KIAA0319: variants seen among roughly 807,000 people sequenced by gnomAD.
The protein encoded by KIAA0319 is dyslexia-associated protein KIAA0319.
KIAA0319 carries 83 observed loss-of-function variants against 108.4 expected under a neutral mutation model. The ratio of observed to expected loss-of-function variants is 0.77; its 90% confidence interval spans 0.64 to 0.92. The LOEUF is 0.92. Among genes scored for constraint, KIAA0319 ranks in the 40% least tolerant of loss-of-function variants. The pLI is 0.00. For synonymous variants in KIAA0319, 484 were observed against 510.4 expected, an observed-to-expected ratio of 0.95 and a Z score of 0.70; for missense variants, 1,195 against 1,322.4, an observed-to-expected ratio of 0.90 and a Z score of 1.49.
chr6:24,558,692 G>A (rs1054515682), intron 17 of KIAA0319, among the ~76,000 whole-genome samples: 2 of 152,158 alleles, frequency 1.3e-5, no homozygotes, highest in African/African-American at 4.8e-5. Flanking sequence ...GATGTCCAAG[G>A]TAAATAAATT....
chr6:24,571,082 T>C (rs1234372550), intron 11 of KIAA0319, among the ~76,000 whole-genome samples: 1 of 151,418 alleles, frequency 6.6e-6, no homozygotes, highest in Non-Finnish European at 1.5e-5. Flanking sequence ...ATCCCAGCTA[T>C]TCAGGAGGCT....
At chr6:24,570,404 C>T (rs796375526) in intron 11 of KIAA0319, among the ~76,000 whole-genome samples, 18 of 152,028 alleles carry the variant, frequency 1.2e-4, no homozygotes, top group South Asian at 6.2e-4. Context: ...CTGGCTAACA[C>T]GGTGAAACCC....
At chr6:24,541,143 C>T (rs918282952), downstream of KIAA0319, among the ~76,000 whole-genome samples, 4 of 149,856 alleles carry the variant, frequency 2.7e-5, no homozygotes, top group African/African-American at 9.8e-5. Context: ...TATATACATG[C>T]AAAAAAAAAG....
At chr6:24,578,264 A>G (rs746574495) in intron 8 of KIAA0319, 22 bp from the exon 9 acceptor site, 11 of 1,532,748 alleles carry the variant, frequency 7.2e-6, no homozygotes, top group Non-Finnish European at 9.8e-6. Context: ...AGAAATAAAG[A>G]CAAGAATGAA....
chr6:24,629,301 G>A (rs968418755), intron 1 of KIAA0319, among the ~76,000 whole-genome samples: 2 of 152,006 alleles, frequency 1.3e-5, no homozygotes, highest in African/African-American at 4.8e-5. Context: ...GGATCACGAG[G>A]TCAGGAGATT....
intron 3 of KIAA0319, among the ~76,000 whole-genome samples, chr6:24,593,754 A>T (rs1768926376): frequency 6.6e-6 from 1 of 152,032 alleles, no homozygotes; most frequent in Non-Finnish European, 1.5e-5. Context: ...GAGCCAAAAG[A>T]TTTTTAATAG....
chr6:24,570,121 T>C, intron 11 of KIAA0319, 86 bp from the exon 12 acceptor site: 1 of 1,313,560 alleles, frequency 7.6e-7, no homozygotes, highest in South Asian at 1.3e-5. Context: ...AGTACATTAC[T>C]CATCTTCAGA....
chr6:24,566,209 A>G (rs1763882184), intron 14 of KIAA0319, among the ~76,000 whole-genome samples: 1 of 152,184 alleles, frequency 6.6e-6, no homozygotes, highest in African/African-American at 2.4e-5. Context: ...CCCTAACCCC[A>G]TATGACTGTA....
chr6:24,631,571 A>G (rs1338665586), intron 1 of KIAA0319, among the ~76,000 whole-genome samples: 1 of 152,134 alleles, frequency 6.6e-6, no homozygotes, highest in African/African-American at 2.4e-5. Flanking sequence ...ACAGTTTTTT[A>G]CTCCTGGAAA....
intron 4 of KIAA0319, among the ~76,000 whole-genome samples, chr6:24,587,006 C>T (rs913829112): frequency 6.6e-6 from 1 of 152,098 alleles, no homozygotes; most frequent in Non-Finnish European, 1.5e-5. Flanking sequence ...CTATGTCCCC[C>T]GTGTCTGCAA....
At chr6:24,600,762 G>A in intron 2 of KIAA0319, 2 of 1,016,420 alleles carry the variant, frequency 2.0e-6, no homozygotes, top group Non-Finnish European at 1.4e-6. Context: ...GGCCTTTCCA[G>A]CCAGATCTAG....
intron 1 of KIAA0319, among the ~76,000 whole-genome samples, chr6:24,638,651 T>C (rs1487269727): frequency 6.6e-6 from 1 of 151,924 alleles, no homozygotes; most frequent in Non-Finnish European, 1.5e-5. Context: ...TCCCAGCTAC[T>C]CGGGAGGCTG....
At chr6:24,587,005 C>T (rs988091210) in intron 4 of KIAA0319, among the ~76,000 whole-genome samples, 1 of 152,138 alleles carries the variant, frequency 6.6e-6, no homozygotes, top group African/African-American at 2.4e-5. Context: ...CCTATGTCCC[C>T]CGTGTCTGCA....
chr6:24,553,262 A>G (rs1212335880), intron 19 of KIAA0319, among the ~76,000 whole-genome samples: 2 of 136,632 alleles, frequency 1.5e-5, no homozygotes, highest in African/African-American at 6.1e-5. Context: ...CCACTTAGGT[A>G]CTTGTGAGAT....
At chr6:24,568,972 G>A in intron 12 of KIAA0319, 43 bp from the exon 13 acceptor site, 2 of 1,594,168 alleles carry the variant, frequency 1.3e-6, no homozygotes, top group Non-Finnish European at 1.7e-6. Flanking sequence ...GGGGGCATGG[G>A]GTTTTGAATA....
chr6:24,570,872 TAAAC>T (rs1004121477), intron 11 of KIAA0319, among the ~76,000 whole-genome samples: 2 of 152,138 alleles, frequency 1.3e-5, no homozygotes, highest in East Asian at 1.9e-4. Flanking sequence ...AATTAAATGT[TAAAC>T]AAAAGTAAAA....
At chr6:24,589,968 C>A (rs1016887306) in intron 3 of KIAA0319, among the ~76,000 whole-genome samples, 1 of 152,046 alleles carries the variant, frequency 6.6e-6, no homozygotes, top group African/African-American at 2.4e-5. Context: ...ATATCTTTTG[C>A]GACTTTTAGT....
At chr6:24,572,408 A>G (rs1276227524) in intron 11 of KIAA0319, among the ~76,000 whole-genome samples, 167 bp downstream of exon 11, 1 of 152,240 alleles carries the variant, frequency 6.6e-6, no homozygotes, top group Non-Finnish European at 1.5e-5. Flanking sequence ...TTCATGCCAT[A>G]GTTTACAGTC....
intron 20 of KIAA0319, among the ~76,000 whole-genome samples, chr6:24,550,115 T>C (rs1399196451): frequency 6.6e-6 from 1 of 152,226 alleles, no homozygotes; most frequent in Non-Finnish European, 1.5e-5. Flanking sequence ...CCTGTGAGGC[T>C]CTTCCTGCCA....
Sources: gnomAD v4.1 joint callset for allele counts (sites outside exome capture counted in the v4.1 genomes callset) on GRCh38, gnomAD v4.1.1 for gene constraint, MANE v1.5 for transcripts, NCBI Gene and HGNC (gene_info 2026-07-23, HGNC 2026-07-21) for gene names.